Variants in DNAJC17 observed in about 807,000 individuals in gnomAD.
DNAJC17 encodes DnaJ heat shock protein family (Hsp40) member C17, also known as dnaJ homolog subfamily C member 17.
In DNAJC17, 35 loss-of-function variants were observed where a neutral mutation model predicts 48.1. The observed-to-expected ratio is 0.73, with a 90% CI of 0.56 to 0.96. The LOEUF is 0.96. DNAJC17 is among the 50% of genes least tolerant of loss of function. The probability of loss-of-function intolerance (pLI) is 0.00; values close to 1 mark genes in which losing one functional copy is unlikely to be tolerated. For synonymous variants in DNAJC17, 117 were observed against 142.7 expected (o/e 0.82, Z 1.28); for missense variants, 355 against 377.1 (o/e 0.94, Z 0.48).
chr15:40,788,544 A>G (rs1233501398), intron 1 of DNAJC17, among the ~76,000 whole-genome samples: 1 of 151,950 alleles, frequency 6.6e-6, no homozygotes, highest in Non-Finnish European at 1.5e-5. Flanking sequence ...AAAATACAAG[A>G]AATTAGCCGG....
chr15:40,782,349 A>AT (rs1430673080), intron 1 of DNAJC17, among the ~76,000 whole-genome samples: 2 of 152,146 alleles, frequency 1.3e-5, no homozygotes, highest in Non-Finnish European at 2.9e-5. Flanking sequence ...TCAGCCAAGG[A>AT]TTTTGAGGCT....
At chr15:40,774,490 G>A (rs1011290990) in intron 8 of DNAJC17, 54 bp from the exon 9 acceptor site, 17 of 1,598,824 alleles carry the variant, frequency 1.1e-5, no homozygotes, top group Non-Finnish European at 4.3e-6. Context: ...GGATGGCCCA[G>A]GTCATGCCAG....
chr15:40,785,571 A>G (rs1189198072), intron 1 of DNAJC17, among the ~76,000 whole-genome samples: 1 of 152,238 alleles, frequency 6.6e-6, no homozygotes, highest in African/African-American at 2.4e-5. Flanking sequence ...GGTGCTTCCT[A>G]CAAGTTCCCA....
chr15:40,775,183 G>A (rs1055953333), intron 7 of DNAJC17, 75 bp from the exon 8 acceptor site: 5 of 1,493,932 alleles, frequency 3.3e-6, no homozygotes, highest in East Asian at 2.3e-5. Flanking sequence ...TTGACAGTCT[G>A]AGCAGACATC....
intron 4 of DNAJC17, among the ~76,000 whole-genome samples, chr15:40,778,882 C>T (rs549161109): frequency 6.7e-4 from 102 of 152,186 alleles, no homozygotes; most frequent in Non-Finnish European, 1.2e-3. Flanking sequence ...TGCAGTGAGC[C>T]GAGATCATGC....
At chr15:40,807,060 G>C in intron 1 of DNAJC17, 1 of 603,862 alleles carries the variant, frequency 1.7e-6, no homozygotes. Context: ...AACGGAGGCC[G>C]AGACTGCGCA....
Position 40,770,435 on chromosome 15 carries a change from G to A in DNAJC17, c.793-2373C>T. 3 of 1,481,582 alleles carry A rather than the reference G, an allele frequency of 2.0e-6. No homozygotes were observed. Among genetic ancestry groups the A allele is most frequent in the Non-Finnish European group, 2.7e-6 (3 of 1,110,538 alleles). 91.8% of individuals were successfully genotyped at this position (1,481,582 alleles called of 1,614,324 possible). On this transcript the variant is annotated intron_variant, in intron 10 of 10. Transcript: ENST00000220496. This position sits in a 1 kb window ranked among gnomAD's most constrained non-coding sequence, Gnocchi z 5.0. ...CCAGCTGCTGGCACTCACTGCCCCA[G>A]CAGGGACCACATGCACCCTGGCTGC... is the stretch of plus-strand genomic sequence containing the variant.
At chr15:40,787,958 G>C (rs1254987563) in intron 1 of DNAJC17, among the ~76,000 whole-genome samples, 1 of 152,226 alleles carries the variant, frequency 6.6e-6, no homozygotes, top group Non-Finnish European at 1.5e-5. Context: ...AGCCAGGTAA[G>C]TAAGTGGTAC....
chr15:40,786,781 G>T (rs1889654353), intron 1 of DNAJC17, among the ~76,000 whole-genome samples: 1 of 152,190 alleles, frequency 6.6e-6, no homozygotes, highest in East Asian at 1.9e-4. Flanking sequence ...GAAGGACGAA[G>T]ATCTCAGATA....
rs1226572362 is a variant in DNAJC17 at position 40,788,233 on chromosome 15, C to G, written c.79-8236G>C. Among the ~76,000 whole-genome samples the G allele has an allele frequency of 2.6e-5, 4 of 152,200 alleles. No homozygotes were observed. In the East Asian group the frequency reaches 7.7e-4, roughly 29 times the overall value. Reference sequence around the variant, plus strand: ...GTATATGACTGCCTGATGTCACACGCAGGAAGCAAACAACAGAGCTCTGGG... The same window carrying G: ...GTATATGACTGCCTGATGTCACACGGAGGAAGCAAACAACAGAGCTCTGGG... On this transcript the variant is annotated intron_variant, in intron 1 of 10. Coordinates refer to ENST00000220496, the MANE Select transcript of DNAJC17 (RefSeq NM_018163.3).
Position 40,767,982 on chromosome 15 carries a change from G to C in DNAJC17, c.873C>G (p.Ile291Met), listed in dbSNP as rs1396772585. Residue 291 changes from isoleucine (I) to methionine (M), a missense_variant, in exon 11 of 11, where the codon ATC becomes ATG. Transcript: ENST00000220496. ...MRQAAERQQL[I>M]ARMQQEDQEG... ...CCTGGTCTTCCTGCTGCATCCGTGCGATCAGCTGTTGCCGCTCGGCCGCCT... is the reference window on the plus strand; with the variant it reads ...CCTGGTCTTCCTGCTGCATCCGTGCCATCAGCTGTTGCCGCTCGGCCGCCT... 6.2e-7 allele frequency: 1 copy of C among 1,611,210 alleles called. No homozygotes were observed. Among genetic ancestry groups the C allele is most frequent in the Non-Finnish European group, 8.5e-7 (1 of 1,179,242 alleles).
chr15:40,780,426 T>C, intron 1 of DNAJC17: 2 of 429,002 alleles, frequency 4.7e-6, no homozygotes, highest in South Asian at 1.7e-5. Flanking sequence ...TCTGGACTTG[T>C]AGAAGTATGG....
intron 10 of DNAJC17, chr15:40,772,541 G>A (rs998804646): frequency 1.3e-5 from 2 of 158,746 alleles, no homozygotes; most frequent in African/African-American, 4.8e-5. Flanking sequence ...GCCCAGGCCA[G>A]TTTGTTTCCC....
At position 40,770,787 on chromosome 15, in the gene DNAJC17, C is replaced by A. The variant is rs1889113459; in HGVS notation, c.793-2725G>T. ...CTCAAGCTGCCCCAACATCCTGGAG[C>A]CCCCACCTGCCTACACAGCAGCCTA... On this transcript the variant is annotated intron_variant, in intron 10 of 10. Coordinates refer to ENST00000220496, the MANE Select transcript of DNAJC17 (RefSeq NM_018163.3). This position sits in a 1 kb window ranked among gnomAD's most constrained non-coding sequence, Gnocchi z 5.0. 6.5e-7 allele frequency: 1 copy of A among 1,548,170 alleles called. No homozygotes were observed. Among genetic ancestry groups the A allele is most frequent in the Non-Finnish European group, 8.7e-7 (1 of 1,146,930 alleles).
In DNAJC17 at chr15:40,767,171, T is replaced by G. The variant is rs953453240; in HGVS notation, c.*769A>C. On this transcript the variant is annotated 3_prime_UTR_variant, in exon 11 of 11. Coordinates refer to ENST00000220496, the MANE Select transcript of DNAJC17 (RefSeq NM_018163.3). ...CTGCCTGCTGCAGACACTAGCTTTG[T>G]ACCAGGAGCTTGCTGTGTGCCCCTC... The G allele has an allele frequency of 4.9e-6, 7 of 1,442,692 alleles. No homozygotes were observed. The highest frequency in any genetic ancestry group is 5.5e-6 in the Non-Finnish European group (6 of 1,094,428). 89.4% of individuals were successfully genotyped at this position (1,442,692 alleles called of 1,614,324 possible).
chr15:40,769,085 G>C lies in DNAJC17; in HGVS notation c.793-1023C>G, dbSNP rs915815841. Among the ~76,000 whole-genome samples the C allele has an allele frequency of 6.6e-6, 1 of 152,204 alleles. No homozygotes were observed. The highest frequency in any genetic ancestry group is 2.4e-5 in the African/African-American group (1 of 41,446). On this transcript the variant is annotated intron_variant, in intron 10 of 10. Transcript: ENST00000220496. The surrounding 1 kb of genome is among the most constrained non-coding windows in gnomAD (Gnocchi z 4.2). The stretch of plus-strand genomic sequence containing the variant: ...CCCTGGCCAGCAGGTTTGGAGTAAG[G>C]GGTGTAGAGAAACAGGAAGTGTTAC...
intron 7 of DNAJC17, 196 bp downstream of exon 7, chr15:40,775,357 A>T (rs1271689721): frequency 1.1e-5 from 8 of 751,102 alleles, no homozygotes. Context: ...CTGCCCTGTG[A>T]TCAGGGCTAA....
At chr15:40,791,681 C>T (rs1190328866) in intron 1 of DNAJC17, among the ~76,000 whole-genome samples, 1 of 151,972 alleles carries the variant, frequency 6.6e-6, no homozygotes, top group East Asian at 1.9e-4. Context: ...CCTGTCTCTA[C>T]TAAAAATACA....
intron 1 of DNAJC17, among the ~76,000 whole-genome samples, chr15:40,780,888 T>TTTAC (rs1464887355): frequency 6.6e-6 from 1 of 151,988 alleles, no homozygotes. Flanking sequence ...GGCTCACGCC[T>TTTAC]GTAATCACAG....
Sources: gnomAD v4.1 joint callset for allele counts (sites outside exome capture counted in the v4.1 genomes callset) on GRCh38, gnomAD v4.1.1 for gene constraint, Gnocchi (gnomAD v3.1) non-coding constraint, MANE v1.5 for transcripts, NCBI Gene and HGNC (gene_info 2026-07-23, HGNC 2026-07-21) for gene names.